The following CCT2 variants were observed in gnomAD, a reference collection of about 807,000 sequenced individuals.
CCT2 encodes the protein T-complex protein 1 subunit beta.
A neutral mutation model predicts 61.8 loss-of-function variants in CCT2; 18 were observed. That is an observed-to-expected ratio of 0.29 (90% CI 0.20 to 0.43). CCT2 has a LOEUF of 0.43. CCT2 is among the 20% of genes least tolerant of loss of function. The pLI is 1.00. For missense variants in CCT2, 556 were observed against 656.9 expected, an observed-to-expected ratio of 0.85 and a Z score of 1.68; for synonymous variants, 248 against 215.9, an observed-to-expected ratio of 1.15 and a Z score of -1.30.
intron 6 of CCT2, 86 bp from the exon 7 acceptor site, chr12:69,589,399 G>T (rs1881767842): frequency 2.2e-6 from 2 of 891,566 alleles, no homozygotes; most frequent in Non-Finnish European, 3.6e-6. Flanking sequence ...ATCAGTTAGG[G>T]TAAAATTATC....
At position 69,588,243 on chromosome 12, in the gene CCT2, A is replaced by G. The variant is rs941095012; in HGVS notation, c.427A>G (p.Ser143Gly). The G allele has an allele frequency of 1.9e-6, 3 of 1,613,100 alleles. No homozygotes were observed. In the Admixed American group the frequency reaches 5.0e-5, roughly 27 times the overall value. The change falls in exon 6 of 16, where the codon AGT becomes GGT. Residue 143 changes from serine (S) to glycine (G), a missense_variant. Coordinates refer to ENST00000299300, the MANE Select transcript of CCT2 (RefSeq NM_006431.3). ...ATKAAREALL[S>G]SAVDHGSDEV... ...GAAGGCTGCAAGAGAGGCGCTGTTG[A>G]GTTCTGCAGTTGATCATGGGTTTGT...
intron 2 of CCT2, 105 bp downstream of exon 2, chr12:69,586,449 AC>A: frequency 1.2e-6 from 1 of 816,686 alleles, no homozygotes; most frequent in Non-Finnish European, 2.1e-6. Flanking sequence ...AGGCGGATGA[AC>A]TGAGGTCAGG....
chr12:69,598,276 T>G (rs1173248569), intron 13 of CCT2, 46 bp from the exon 14 acceptor site: 1 of 1,351,434 alleles, frequency 7.4e-7, no homozygotes, highest in Non-Finnish European at 1.0e-6. Context: ...AAATCAGTGG[T>G]TCTTACAGTA....
At chr12:69,600,663 C>CT (rs1052765488) in intron 15 of CCT2, among the ~76,000 whole-genome samples, 20 of 152,108 alleles carry the variant, frequency 1.3e-4, no homozygotes, top group Admixed American at 6.6e-5. Flanking sequence ...CCTAGTCCCC[C>CT]CATAAGCTAC....
In CCT2 at chr12:69,593,074, T is replaced by G; in HGVS notation, c.849T>G (p.Leu283=). The G allele has an allele frequency of 6.2e-7, 1 of 1,613,498 alleles. No individual in the cohort carries two copies. The change falls in exon 9 of 16, where the codon CTT becomes CTG. Residue 283 remains leucine (L), a synonymous_variant. Coordinates refer to ENST00000299300, the MANE Select transcript of CCT2 (RefSeq NM_006431.3). ...EKMKEKVERI[L]KHGINCFINR... is the part of the protein sequence containing the mutation. The stretch of plus-strand genomic sequence containing the variant: ...TGAAGGAGAAAGTTGAACGTATTCT[T>G]AAGCATGGAATAAATTGCTTTATTA...
chr12:69,600,147 C>T, intron 15 of CCT2, 143 bp downstream of exon 15: 2 of 796,776 alleles, frequency 2.5e-6, no homozygotes, highest in Non-Finnish European at 3.8e-6. Flanking sequence ...TATCACAACT[C>T]TTAACACTTA....
intron 15 of CCT2, among the ~76,000 whole-genome samples, chr12:69,600,960 G>T (rs1301918988): frequency 4.6e-5 from 7 of 152,202 alleles, no homozygotes; most frequent in Non-Finnish European, 1.0e-4. Context: ...TCCCAAGGCA[G>T]AACAGTCCTG....
At position 69,587,652 on chromosome 12, in the gene CCT2, T is replaced by TA. The variant is rs755877364; in HGVS notation, c.256+37dup. The TA allele has an allele frequency of 2.7e-5, 34 of 1,269,128 alleles. 1 individual carries two copies. Among genetic ancestry groups the TA allele is most frequent in the Admixed American group, 1.7e-4 (10 of 58,484 alleles). The allele number at this position is 1,269,128 out of a possible 1,614,324, so 78.6% of individuals were successfully genotyped here. A position where few individuals can be genotyped will look rare whatever the true frequency, so the allele number is the denominator to read the frequency against. ...ATATACTTTTTCACCAACCTAATAA[T>TA]ACTGTTTGTTAACATTTTTGAAATA... is the stretch of plus-strand genomic sequence containing the variant. On this transcript the variant is annotated intron_variant, in intron 4 of 15. Transcript: ENST00000299300.
intron 7 of CCT2, 36 bp from the exon 8 acceptor site, chr12:69,592,023 G>T (rs368373460): frequency 9.7e-5 from 111 of 1,146,848 alleles, no homozygotes; most frequent in Non-Finnish European, 1.4e-4. Context: ...CTGCTTTGAA[G>T]TATTAAATAT....
At chr12:69,591,007 C>G (rs1397747811) in intron 7 of CCT2, among the ~76,000 whole-genome samples, 1 of 152,178 alleles carries the variant, frequency 6.6e-6, no homozygotes, top group Non-Finnish European at 1.5e-5. Context: ...GCGTGAGCCA[C>G]CATGCCTGGC....
At position 69,589,564 on chromosome 12, in the gene CCT2, A is replaced by C. The variant is rs377377290; in HGVS notation, c.526A>C (p.Lys176Gln). The change falls in exon 7 of 16, where the codon AAA becomes CAA. Residue 176 changes from lysine to glutamine, a missense_variant. Lys to Gln is a moderately conservative substitution (Grantham distance 53). Transcript: ENST00000299300. The part of the protein sequence containing the change: ...TLSSKLLTHH[K>Q]DHFTKLAVEA... Reference sequence around the variant, plus strand: ...ATCCTCAAAACTTCTTACTCATCACAAAGACCACTTTACAAAGTTAGCTGT... The same window carrying C: ...ATCCTCAAAACTTCTTACTCATCACCAAGACCACTTTACAAAGTTAGCTGT... The C allele has an allele frequency of 1.4e-5, 23 of 1,613,998 alleles. No individual in the cohort carries two copies. Among genetic ancestry groups the C allele is most frequent in the East Asian group, 8.9e-5 (4 of 44,892 alleles).
Position 69,589,597 on chromosome 12 carries a change from G to T in CCT2, c.559G>T (p.Val187Phe). The T allele has an allele frequency of 1.2e-6, 2 of 1,614,114 alleles. No individual in the cohort carries two copies. Among genetic ancestry groups the T allele is most frequent in the Non-Finnish European group, 1.7e-6 (2 of 1,179,994 alleles). Residue 187 changes from valine (V) to phenylalanine (F), a missense_variant, in exon 7 of 16, where the codon GTT becomes TTT. Physicochemically the swap from Val to Phe is conservative, Grantham distance 50 (BLOSUM62 -1). Around this residue, in one of 3 missense-constraint regions of CCT2, gnomAD observed 308 missense variants for 350.6 expected, o/e 0.88. Transcript: ENST00000299300. Reference sequence around the variant, plus strand: ...CTTTACAAAGTTAGCTGTAGAAGCAGTTCTCAGACTGAAAGGCTCTGGCAA... The same window carrying T: ...CTTTACAAAGTTAGCTGTAGAAGCATTTCTCAGACTGAAAGGCTCTGGCAA... ...DHFTKLAVEAVLRLKGSGNLE... is the reference protein window; with the variant it reads ...DHFTKLAVEAFLRLKGSGNLE...
rs140997100 is a variant in CCT2 at position 69,585,745 on chromosome 12, G to A, written c.3+221G>A. On this transcript the variant is annotated intron_variant, in intron 1 of 15. Transcript: ENST00000299300. ...GACCGCAAAGCCAGCGTCTCCTTGT[G>A]CCTAGGTCTTTGCATAGTCCCGGCA... 1,128 of 1,444,350 alleles carry A rather than the reference G, an allele frequency of 7.8e-4. 10 individuals are homozygous for A. The African/African-American group carries it at 0.014, about 18-fold the overall frequency. 89.5% of individuals were successfully genotyped at this position (1,444,350 alleles called of 1,614,324 possible).
intron 10 of CCT2, among the ~76,000 whole-genome samples, chr12:69,596,479 A>G (rs1335438789): frequency 1.3e-5 from 2 of 152,238 alleles, no homozygotes. Context: ...TTCAGTTTAC[A>G]GCATGGAAGA....
intron 1 of CCT2, 64 bp downstream of exon 1, chr12:69,585,588 C>T: frequency 6.4e-7 from 1 of 1,554,630 alleles, no homozygotes; most frequent in Non-Finnish European, 8.7e-7. Context: ...CACCCCACTG[C>T]TTCCTCTGTC....
chr12:69,594,846 TAAA>T (rs67999092), intron 10 of CCT2, among the ~76,000 whole-genome samples: 13,944 of 140,236 alleles, frequency 0.099, 842 homozygotes, highest in Non-Finnish European at 0.15. Context: ...ACCCTGTCTT[TAAA>T]AAAAAAAAAA....
intron 7 of CCT2, among the ~76,000 whole-genome samples, chr12:69,590,719 C>CTTTT (rs3970807): frequency 4.3e-5 from 6 of 140,060 alleles, no homozygotes; most frequent in Admixed American, 2.9e-4. Flanking sequence ...TGTAGCATTT[C>CTTTT]TTTTTTTTTT....
chr12:69,599,818 A>G lies in CCT2; in HGVS notation c.1436-45A>G, dbSNP rs747608974. 22 of 1,514,434 alleles carry G rather than the reference A, an allele frequency of 1.5e-5. No homozygotes were observed. In the East Asian group the frequency reaches 4.3e-4, roughly 30 times the overall value. 93.8% of individuals were successfully genotyped at this position (1,514,434 alleles called of 1,614,324 possible). A position where few individuals can be genotyped will look rare whatever the true frequency, so the allele number is the denominator to read the frequency against. ...TATAAATCATTAGAGATGTTTTGAT[A>G]CTTTAGTTAAAACTGCTTTTTAGTA... On this transcript the variant is annotated intron_variant, in intron 14 of 15. Coordinates refer to ENST00000299300, the MANE Select transcript of CCT2 (RefSeq NM_006431.3).
chr12:69,592,100 C>G lies in CCT2; in HGVS notation c.691C>G (p.Arg231Gly). 6.2e-7 allele frequency: 1 copy of G among 1,600,534 alleles called. No homozygotes were observed. Residue 231 changes from arginine (R) to glycine (G), a missense_variant, in exon 8 of 16, where the codon CGA (arginine) becomes GGA (glycine). This residue lies in a region of CCT2 where 308 missense variants were observed against 350.6 expected (regional missense o/e 0.88). Coordinates refer to ENST00000299300, the MANE Select transcript of CCT2 (RefSeq NM_006431.3). ...AAAAATTGGAGTAAATCAACCAAAA[C>G]GAATTGAAAATGCTAAAATTCTTAT... The part of the protein sequence containing the change: ...DKKIGVNQPK[R>G]IENAKILIAN...
Sources: allele counts gnomAD v4.1 joint callset (sites outside exome capture counted in the v4.1 genomes callset), GRCh38; gene constraint gnomAD v4.1.1; regional missense constraint gnomAD v4.1.1; transcripts MANE v1.5; gene names NCBI Gene and HGNC (gene_info 2026-07-23, HGNC 2026-07-21).